Variants in DDAH1 observed in about 807,000 individuals in gnomAD.
DDAH1 encodes the protein dimethylarginine dimethylaminohydrolase 1.
DDAH1 carries 19 observed loss-of-function variants against 28.8 expected under a neutral mutation model. The observed-to-expected ratio is 0.66, with a 90% CI of 0.46 to 0.97. DDAH1 has a LOEUF of 0.97. Among genes scored for constraint, DDAH1 ranks in the 50% least tolerant of loss-of-function variants. DDAH1 has a pLI of 0.00. For missense variants in DDAH1, 326 were observed against 375.9 expected (o/e 0.87, Z 1.10); for synonymous variants, 153 against 154.4 (o/e 0.99, Z 0.07).
At chr1:85,474,441 A>G (rs956192702) in intron 2 of DDAH1, among the ~76,000 whole-genome samples, 7 of 151,736 alleles carry the variant, frequency 4.6e-5, no homozygotes, top group Admixed American at 3.9e-4. Context: ...TCTCATCCCT[A>G]TTCTCTCTTA....
At chr1:85,325,439 T>C (rs1647323759) in intron 4 of DDAH1, among the ~76,000 whole-genome samples, 1 of 152,130 alleles carries the variant, frequency 6.6e-6, no homozygotes, top group African/African-American at 2.4e-5. Context: ...GTGATGGCCT[T>C]AATACAATGA....
intron 1 of DDAH1, among the ~76,000 whole-genome samples, chr1:85,454,572 T>C (rs1654803726): frequency 6.6e-6 from 1 of 151,690 alleles, no homozygotes; most frequent in Admixed American, 6.6e-5. Context: ...TTTTTTACCA[T>C]GACCTAGTGT....
chr1:85,391,098 C>T (rs990705991), intron 1 of DDAH1, among the ~76,000 whole-genome samples: 10 of 152,142 alleles, frequency 6.6e-5, no homozygotes, highest in East Asian at 1.9e-4. Context: ...ATCATCCATA[C>T]GAAGGACAGT....
At position 85,319,463 on chromosome 1, in the gene DDAH1, A is replaced by C. The variant is rs1486568123; in HGVS notation, c.*1989T>G. 6.6e-6 allele frequency: 1 copy of C among 152,238 alleles called. No homozygotes were observed. The highest frequency in any genetic ancestry group is 1.5e-5 in the Non-Finnish European group (1 of 68,032). The allele number at this position is 152,238 out of a possible 1,614,324, so 9.4% of individuals were successfully genotyped here. On this transcript the variant is annotated 3_prime_UTR_variant, in exon 6 of 6. Coordinates refer to ENST00000284031, the MANE Select transcript of DDAH1 (RefSeq NM_012137.4). Reference sequence around the variant, plus strand: ...TTAAAAATTATATGCTGGTAAGCCTAAACTGGCAGATTGGGCCATTTTTCC... The same window carrying C: ...TTAAAAATTATATGCTGGTAAGCCTCAACTGGCAGATTGGGCCATTTTTCC...
intron 1 of DDAH1, among the ~76,000 whole-genome samples, chr1:85,438,147 A>G (rs1023618245): frequency 1.1e-4 from 17 of 152,116 alleles, no homozygotes; most frequent in Non-Finnish European, 4.4e-5. Flanking sequence ...AGGGATGCAA[A>G]AAGGGCAACA....
chr1:85,406,365 G>A (rs1251671761), intron 1 of DDAH1, among the ~76,000 whole-genome samples: 1 of 151,990 alleles, frequency 6.6e-6, no homozygotes, highest in Non-Finnish European at 1.5e-5. Flanking sequence ...ATTACATTTG[G>A]TTTCTTTCTC....
At chr1:85,432,873 G>T (rs1032172347) in intron 1 of DDAH1, among the ~76,000 whole-genome samples, 1 of 152,146 alleles carries the variant, frequency 6.6e-6, no homozygotes, top group African/African-American at 2.4e-5. Flanking sequence ...GGCATGAACT[G>T]ATCAAGACCT....
intron 1 of DDAH1, among the ~76,000 whole-genome samples, chr1:85,567,204 A>G (rs1659329942): frequency 6.6e-6 from 1 of 152,220 alleles, no homozygotes; most frequent in African/African-American, 2.4e-5. Flanking sequence ...ATGTTCAACC[A>G]AACATCTGGG....
At chr1:85,491,168 T>C (rs1369525709) in intron 2 of DDAH1, among the ~76,000 whole-genome samples, 2 of 150,428 alleles carry the variant, frequency 1.3e-5, no homozygotes, top group Middle Eastern at 3.5e-3. Context: ...CACCTCAGCC[T>C]CCCAAGTAGC....
chr1:85,444,917 C>T (rs940047133), intron 1 of DDAH1, among the ~76,000 whole-genome samples: 2 of 151,998 alleles, frequency 1.3e-5, no homozygotes, highest in South Asian at 2.1e-4. Context: ...ATCACAAGGT[C>T]CCACAATAGG....
At chr1:85,330,687 G>C (rs1295068606) in intron 4 of DDAH1, among the ~76,000 whole-genome samples, 1 of 152,206 alleles carries the variant, frequency 6.6e-6, no homozygotes, top group Non-Finnish European at 1.5e-5. Flanking sequence ...TGTTCCGAAT[G>C]CCCTTTCTGA....
chr1:85,372,580 T>C (rs1650441865), intron 1 of DDAH1, among the ~76,000 whole-genome samples: 1 of 152,064 alleles, frequency 6.6e-6, no homozygotes, highest in Non-Finnish European at 1.5e-5. Flanking sequence ...CATTATAGTT[T>C]TTTTCTCCTT....
At chr1:85,507,125 AAT>A (rs1218606277) in intron 1 of DDAH1, among the ~76,000 whole-genome samples, 4 of 151,902 alleles carry the variant, frequency 2.6e-5, no homozygotes, top group Non-Finnish European at 5.9e-5. Context: ...TACACACACA[AAT>A]ATATATATAT....
chr1:85,408,569 A>AT (rs1410616823), intron 1 of DDAH1, among the ~76,000 whole-genome samples: 1 of 152,192 alleles, frequency 6.6e-6, no homozygotes, highest in Non-Finnish European at 1.5e-5. Flanking sequence ...AATCCATTTC[A>AT]TTTTTAAAAT....
At chr1:85,361,998 T>C (rs1649820680) in intron 1 of DDAH1, among the ~76,000 whole-genome samples, 2 of 152,244 alleles carry the variant, frequency 1.3e-5, no homozygotes, top group South Asian at 4.1e-4. Flanking sequence ...TGACAGATAC[T>C]TGTACTATAA....
At chr1:85,551,903 T>C (rs1435159581) in intron 1 of DDAH1, among the ~76,000 whole-genome samples, 5 of 152,018 alleles carry the variant, frequency 3.3e-5, no homozygotes, top group Non-Finnish European at 4.4e-5. Flanking sequence ...GTTTAGAGGA[T>C]TGGGGAAGAA....
intron 2 of DDAH1, among the ~76,000 whole-genome samples, chr1:85,473,528 C>T (rs991145782): frequency 5.1e-4 from 78 of 152,244 alleles, no homozygotes; most frequent in African/African-American, 1.4e-3. Flanking sequence ...TGATAACCCC[C>T]TTCATTTCCT....
intron 1 of DDAH1, among the ~76,000 whole-genome samples, chr1:85,391,586 C>T (rs1651553356): frequency 6.6e-6 from 1 of 152,194 alleles, no homozygotes; most frequent in Non-Finnish European, 1.5e-5. Context: ...ATTAGAGAAG[C>T]CCCAAAATGG....
chr1:85,434,170 T>C (rs1344296446), intron 1 of DDAH1, among the ~76,000 whole-genome samples: 1 of 152,110 alleles, frequency 6.6e-6, no homozygotes, highest in East Asian at 1.9e-4. Flanking sequence ...TTATTATTAC[T>C]TTATAGTTAT....
Sources: gnomAD v4.1 joint callset for allele counts (sites outside exome capture counted in the v4.1 genomes callset) on GRCh38, gnomAD v4.1.1 for gene constraint, MANE v1.5 for transcripts, NCBI Gene and HGNC (gene_info 2026-07-23, HGNC 2026-07-21) for gene names.